WSCD1: variants seen among roughly 807,000 people sequenced by gnomAD.
WSCD1 encodes the protein WSC domain sialate O sulfotransferase 1, also known as sialate:O-sulfotransferase 1.
In WSCD1, 41 loss-of-function variants were observed where a neutral mutation model predicts 60.4. The ratio of observed to expected loss-of-function variants is 0.68; its 90% confidence interval spans 0.53 to 0.88. The LOEUF (loss-of-function observed/expected upper bound fraction) is 0.88, where lower values mean the gene tolerates loss of function less well. WSCD1 is among the 40% of genes least tolerant of loss of function. The pLI is 0.00. For missense variants in WSCD1, 784 were observed against 796.2 expected, an observed-to-expected ratio of 0.98 and a Z score of 0.18; for synonymous variants, 361 against 332.5, an observed-to-expected ratio of 1.09 and a Z score of -0.93.
chr17:6,112,771 T>C (rs1311427511), intron 7 of WSCD1, among the ~76,000 whole-genome samples: 2 of 152,044 alleles, frequency 1.3e-5, no homozygotes, highest in East Asian at 3.8e-4. Context: ...AAGATAACTA[T>C]AAAACACTTA....
chr17:6,121,775 C>T lies in WSCD1; in HGVS notation c.*1114C>T, dbSNP rs1384986443. The T allele has an allele frequency of 1.3e-5, 2 of 152,206 alleles. No individual in the cohort carries two copies. Among genetic ancestry groups the T allele is most frequent in the Non-Finnish European group, 2.9e-5 (2 of 68,086 alleles). 9.4% of individuals were successfully genotyped at this position (152,206 alleles called of 1,614,324 possible). ...AGAGCTAGTTAGTACTCAGCCTGAC[C>T]CCTAGGTCTGGTCCTGCCAGCCTGG... On this transcript the variant is annotated 3_prime_UTR_variant, in exon 9 of 9. Coordinates refer to ENST00000317744, the MANE Select transcript of WSCD1 (RefSeq NM_015253.2).
chr17:6,085,548 G>A (rs893940052), intron 2 of WSCD1, among the ~76,000 whole-genome samples: 3 of 152,150 alleles, frequency 2.0e-5, no homozygotes, highest in Admixed American at 6.5e-5. Flanking sequence ...AGATAGTGGT[G>A]GAGCCTATTC....
In WSCD1 at chr17:6,088,143, G is replaced by A. The variant is rs758090319; in HGVS notation, c.542+39G>A. The stretch of plus-strand genomic sequence containing the variant: ...CCCTGGACTGTTGATTCTAGAGGCA[G>A]GAAGGTCCAGGGACAGTTCCAGAAT... On this transcript the variant is annotated intron_variant, in intron 3 of 8. Transcript: ENST00000317744. 1.2e-5 allele frequency: 19 copies of A among 1,567,508 alleles called. No homozygotes were observed. The East Asian group carries it at 4.3e-4, about 35-fold the overall frequency.
chr17:6,076,780 C>T (rs4239261), intron 1 of WSCD1, among the ~76,000 whole-genome samples: 17,713 of 152,230 alleles, frequency 0.12, 1,325 homozygotes, highest in East Asian at 0.17. Flanking sequence ...ATTCTGCCCC[C>T]GACCCCAGGT....
intron 1 of WSCD1, among the ~76,000 whole-genome samples, chr17:6,079,103 G>A (rs887967319): frequency 1.3e-5 from 2 of 152,162 alleles, no homozygotes; most frequent in African/African-American, 2.4e-5. Context: ...GGCGGCCCTC[G>A]CCATTTACTC....
rs750443410 is a variant in WSCD1, at chr17:6,109,717, G to C, written c.960G>C (p.Glu320Asp). ...GCTCAGTATGTGGCCAGGACCCTGA[G>C]GCACAGAGGCTGGCAGAATACTGTG... ...MDSSVCGQDP[E>D]AQRLAEYCEV... The change falls in exon 6 of 9, where the codon GAG becomes GAC. Residue 320 changes from glutamate (E) to aspartate (D), a missense_variant. Glu to Asp is a conservative substitution (Grantham distance 45). Transcript: ENST00000317744. 1 of 1,614,122 alleles carries C rather than the reference G, an allele frequency of 6.2e-7. No individual in the cohort carries two copies. Among genetic ancestry groups the C allele is most frequent in the South Asian group, 1.1e-5 (1 of 91,058 alleles).
intron 5 of WSCD1, among the ~76,000 whole-genome samples, chr17:6,097,952 CTTTT>C (rs796614298): frequency 8.5e-6 from 1 of 117,876 alleles, no homozygotes. Context: ...AGAGTTCTTT[CTTTT>C]TTTTTTTTTT....
rs536764920 is a variant in WSCD1, at chr17:6,101,978, TTGTGA to T, written c.849+6761_849+6765del. 6.2e-4 allele frequency among the ~76,000 whole-genome samples: 94 copies of T among 152,206 alleles called. No individual in the cohort carries two copies. Among genetic ancestry groups the T allele is most frequent in the Non-Finnish European group, 1.1e-3 (77 of 68,030 alleles). On this transcript the variant is annotated intron_variant, in intron 5 of 8. Transcript: ENST00000317744. The surrounding 1 kb of genome is among the most constrained non-coding windows in gnomAD (Gnocchi z 4.1). ...GAGACACTCCACCGGCGATTATACC[TTGTGA>T]TGTGAGGTTTGTTCTCCCAGCTGCT...
chr17:6,079,550 A>G (rs1315344668), intron 1 of WSCD1, among the ~76,000 whole-genome samples: 1 of 152,182 alleles, frequency 6.6e-6, no homozygotes, highest in East Asian at 1.9e-4. Flanking sequence ...CTCTGTTTGC[A>G]GGTGCACGGC....
At chr17:6,073,392 A>C (rs979080347) in intron 1 of WSCD1, among the ~76,000 whole-genome samples, 3 of 152,194 alleles carry the variant, frequency 2.0e-5, no homozygotes, top group Non-Finnish European at 4.4e-5. Context: ...GTGTTTTGGA[A>C]GCCAAGGTGG....
At chr17:6,072,163 G>A (rs968759915) in intron 1 of WSCD1, among the ~76,000 whole-genome samples, 8 of 152,262 alleles carry the variant, frequency 5.3e-5, no homozygotes, top group Non-Finnish European at 1.5e-5. Context: ...GTACTGCCCT[G>A]TGGCCTGTGG....
rs914054436 is a variant in WSCD1, at chr17:6,109,707, A to G, written c.950A>G (p.Gln317Arg). ...GCCATGGACAGCTCAGTATGTGGCC[A>G]GGACCCTGAGGCACAGAGGCTGGCA... ...RDAMDSSVCGQDPEAQRLAEY... is the reference protein window; with the variant it reads ...RDAMDSSVCGRDPEAQRLAEY... Residue 317 changes from glutamine (Q) to arginine (R), a missense_variant, in exon 6 of 9, where the codon CAG becomes CGG. Physicochemically the swap from Gln to Arg is conservative, Grantham distance 43. Coordinates refer to ENST00000317744, the MANE Select transcript of WSCD1 (RefSeq NM_015253.2). 6 of 1,614,170 alleles carry G rather than the reference A, an allele frequency of 3.7e-6. No individual in the cohort carries two copies. Among genetic ancestry groups the G allele is most frequent in the Non-Finnish European group, 5.1e-6 (6 of 1,180,010 alleles).
At chr17:6,096,899 T>C (rs1910471952) in intron 5 of WSCD1, among the ~76,000 whole-genome samples, 1 of 152,194 alleles carries the variant, frequency 6.6e-6, no homozygotes, top group East Asian at 1.9e-4. Flanking sequence ...GCTTGGATAG[T>C]CCTGCTGTGT....
intron 5 of WSCD1, among the ~76,000 whole-genome samples, chr17:6,096,250 T>A (rs1910417708): frequency 6.6e-6 from 1 of 151,952 alleles, no homozygotes; most frequent in South Asian, 2.1e-4. Context: ...CAGTAAGTGG[T>A]GGGGTCAGGG....
chr17:6,087,680 C>T (rs974635632), intron 2 of WSCD1, among the ~76,000 whole-genome samples: 18 of 152,302 alleles, frequency 1.2e-4, no homozygotes, highest in Middle Eastern at 3.4e-3. Context: ...GGTAATCCAG[C>T]CTTCCCAACT....
chr17:6,113,417 A>G (rs995107426), intron 7 of WSCD1, among the ~76,000 whole-genome samples: 2 of 152,196 alleles, frequency 1.3e-5, no homozygotes, highest in Non-Finnish European at 2.9e-5. Context: ...ATATTTCAGG[A>G]CATTGGTCTG....
chr17:6,106,566 T>G (rs1911095757), intron 5 of WSCD1, among the ~76,000 whole-genome samples: 1 of 152,190 alleles, frequency 6.6e-6, no homozygotes, highest in Admixed American at 6.5e-5. Context: ...AACGAATCCA[T>G]GGTGATAGAA....
chr17:6,078,349 G>A (rs1019078588), intron 1 of WSCD1, among the ~76,000 whole-genome samples: 1 of 152,168 alleles, frequency 6.6e-6, no homozygotes, highest in East Asian at 1.9e-4. Context: ...GGTGAGTGCT[G>A]GGCTGAGGGT....
Position 6,120,604 on chromosome 17 carries a change from C to T in WSCD1, c.1671C>T (p.Asp557=). Residue 557 remains aspartate, a synonymous_variant, in exon 9 of 9, where the codon GAC becomes GAT. Coordinates refer to ENST00000317744, the MANE Select transcript of WSCD1 (RefSeq NM_015253.2). ...DLINGYIRTV[D]QALRDHNWTG... ...TCAATGGCTACATCCGGACGGTGGA[C>T]CAAGCCCTGCGTGACCACAACTGGA... 6.2e-7 allele frequency: 1 copy of T among 1,613,484 alleles called. No individual in the cohort carries two copies. The highest frequency in any genetic ancestry group is 1.1e-5 in the South Asian group (1 of 91,076).
Sources: gnomAD v4.1 joint callset for allele counts (sites outside exome capture counted in the v4.1 genomes callset) on GRCh38, gnomAD v4.1.1 for gene constraint, Gnocchi (gnomAD v3.1) non-coding constraint, MANE v1.5 for transcripts, NCBI Gene and HGNC (gene_info 2026-07-23, HGNC 2026-07-21) for gene names.